Variants in OARD1 observed in about 807,000 individuals in gnomAD.
The protein encoded by OARD1 is O-acyl-ADP-ribose deacylase 1.
OARD1 carries 19 observed loss-of-function variants against 19.7 expected under a neutral mutation model. That is an observed-to-expected ratio of 0.96 (90% CI 0.67 to 1.41). The LOEUF (loss-of-function observed/expected upper bound fraction) is 1.41. Ranked by LOEUF, OARD1 falls within the 40% of genes most tolerant of loss-of-function variation. OARD1 has a pLI of 0.00. For synonymous variants in OARD1, 70 were observed against 61.8 expected, an observed-to-expected ratio of 1.13 and a Z score of -0.62; for missense variants, 190 against 183.8, an observed-to-expected ratio of 1.03 and a Z score of -0.20.
chr6:41,069,160 A>G (rs1582000339), intron 4 of OARD1: 2 of 397,910 alleles, frequency 5.0e-6, no homozygotes, highest in East Asian at 8.5e-5. Context: ...TGAGAAACCC[A>G]GACTCTGCCA....
At chr6:41,085,367 A>G (rs545561371) in intron 1 of OARD1, among the ~76,000 whole-genome samples, 4 of 152,346 alleles carry the variant, frequency 2.6e-5, no homozygotes, top group African/African-American at 9.6e-5. Flanking sequence ...ATATATTCAT[A>G]GGGAATATTG....
intron 1 of OARD1, chr6:41,080,955 TG>T: frequency 7.3e-7 from 1 of 1,369,704 alleles, no homozygotes; most frequent in Non-Finnish European, 1.0e-6. Flanking sequence ...TCCTCATGTC[TG>T]GTGCTGTTTG....
upstream of OARD1, among the ~76,000 whole-genome samples, chr6:41,073,263 C>T (rs1485148036): frequency 6.6e-6 from 1 of 151,502 alleles, no homozygotes; most frequent in Non-Finnish European, 1.5e-5. Flanking sequence ...CCTCGGGGCA[C>T]TCCCGGCCGA....
rs1160623910 is a variant in OARD1, at chr6:41,071,841, G to A, written c.-41-166C>T. On this transcript the variant is annotated intron_variant, in intron 1 of 5. Coordinates refer to ENST00000424266, the MANE Select transcript of OARD1 (RefSeq NM_001329686.2). ...TACAAAACCCTTCTGGGGCAAAGAG[G>A]AAGAACGCTTAGGTTCGGAGGCTGT... 3 of 550,176 alleles carry A rather than the reference G, an allele frequency of 5.5e-6. No individual in the cohort carries two copies. In the African/African-American group the frequency reaches 5.6e-5, roughly 10 times the overall value. The allele number at this position is 550,176 out of a possible 1,614,324, so 34.1% of individuals were successfully genotyped here.
In OARD1 at chr6:41,071,583, AGTT is replaced by A. The variant is rs1763397047; in HGVS notation, c.39+10_39+12del. On this transcript the variant is annotated intron_variant, in intron 2 of 5. Transcript: ENST00000424266. The stretch of plus-strand genomic sequence containing the variant: ...AATTTCAGTTCACCAATAAGTCAAT[AGTT>A]GTTACGCACTCTGCTTCCTTCTGGA... The A allele has an allele frequency of 3.1e-6, 5 of 1,606,580 alleles. No individual in the cohort carries two copies. Among genetic ancestry groups the A allele is most frequent in the Non-Finnish European group, 4.3e-6 (5 of 1,173,018 alleles).
intron 1 of OARD1, among the ~76,000 whole-genome samples, chr6:41,085,675 A>T (rs1764025653): frequency 6.6e-6 from 1 of 152,006 alleles, no homozygotes; most frequent in Non-Finnish European, 1.5e-5. Flanking sequence ...TCAAACTTGT[A>T]CTTTTTGTGT....
At chr6:41,073,195 T>TCGAGCTGAGC, upstream of OARD1, 1 of 150,616 alleles carries the variant, frequency 6.6e-6, no homozygotes, top group East Asian at 2.0e-4. Flanking sequence ...GCCCGGGGAG[T>TCGAGCTGAGC]CGAGCTGAGC....
chr6:41,092,643 T>C (rs967783870), intron 1 of OARD1, among the ~76,000 whole-genome samples: 34 of 152,316 alleles, frequency 2.2e-4, no homozygotes, highest in Admixed American at 2.2e-3. Flanking sequence ...AGCAGAAATA[T>C]CTAGAGCCAT....
chr6:41,089,980 G>A (rs1167040480), intron 1 of OARD1, among the ~76,000 whole-genome samples: 2 of 152,038 alleles, frequency 1.3e-5, no homozygotes, highest in South Asian at 2.1e-4. Flanking sequence ...GCATGGTGGC[G>A]CATGCCTGTA....
rs369447772 is a variant in OARD1, at chr6:41,095,110, G to A, written c.-42+2603C>T. Among the ~76,000 whole-genome samples the A allele has an allele frequency of 1.7e-4, 26 of 152,206 alleles. 2 individuals carry two copies. The South Asian group carries it at 5.4e-3, about 32-fold the overall frequency. Reference sequence around the variant, plus strand: ...TCTAGCCTACTCTCCACATCCTAGTGTGATCTTTTTAAAATGTTTATCCTA... The same window carrying A: ...TCTAGCCTACTCTCCACATCCTAGTATGATCTTTTTAAAATGTTTATCCTA... On this transcript the variant is annotated intron_variant, in intron 1 of 4. Coordinates refer to the OARD1 transcript ENST00000480585.
chr6:41,085,660 A>G (rs1764025157), intron 1 of OARD1, among the ~76,000 whole-genome samples: 1 of 152,222 alleles, frequency 6.6e-6, no homozygotes, highest in South Asian at 2.1e-4. Flanking sequence ...CCCACTGCTC[A>G]TAAATCAAAC....
chr6:41,087,826 G>A (rs1764087052), intron 1 of OARD1, among the ~76,000 whole-genome samples: 1 of 151,954 alleles, frequency 6.6e-6, no homozygotes, highest in Non-Finnish European at 1.5e-5. Context: ...TATTTTTCAA[G>A]CTTCTTGTCA....
intron 1 of OARD1, among the ~76,000 whole-genome samples, chr6:41,086,919 AAT>A (rs1405156345): frequency 6.6e-6 from 1 of 152,196 alleles, no homozygotes; most frequent in African/African-American, 2.4e-5. Flanking sequence ...TTCAAAAGAA[AAT>A]ATAAGAATTT....
chr6:41,080,656 T>C (rs908933433), intron 1 of OARD1, among the ~76,000 whole-genome samples: 1 of 152,246 alleles, frequency 6.6e-6, no homozygotes, highest in African/African-American at 2.4e-5. Flanking sequence ...TTAATCCTAC[T>C]ACCTTCAACA....
chr6:41,070,174 A>C, intron 3 of OARD1, 40 bp from the exon 4 acceptor site: 1 of 1,051,828 alleles, frequency 9.5e-7, no homozygotes, highest in Non-Finnish European at 1.5e-6. Context: ...GAAAAAGAAA[A>C]CCAAACACTG....
intron 1 of OARD1, among the ~76,000 whole-genome samples, chr6:41,097,116 T>G (rs1320635750): frequency 6.6e-6 from 1 of 152,228 alleles, no homozygotes; most frequent in Non-Finnish European, 1.5e-5. Flanking sequence ...CTAACAGCCC[T>G]GCAGTGTTTC....
Position 41,065,769 on chromosome 6 carries a change from T to C in OARD1, c.*1566A>G, listed in dbSNP as rs2114037320. 6.6e-6 allele frequency: 1 copy of C among 152,390 alleles called. No individual in the cohort carries two copies. Among genetic ancestry groups the C allele is most frequent in the South Asian group, 2.1e-4 (1 of 4,830 alleles). The allele number at this position is 152,390 out of a possible 1,614,324, so 9.4% of individuals were successfully genotyped here. A position where few individuals can be genotyped will look rare whatever the true frequency, so the allele number is the denominator to read the frequency against. ...CAAAGATTATATTTAACCAGTACTT[T>C]CCTGGTGTTTTAACCAGCCCCTTCT... On this transcript the variant is annotated 3_prime_UTR_variant, in exon 6 of 6. Transcript: ENST00000424266.
At chr6:41,092,738 T>C (rs566340422) in intron 1 of OARD1, among the ~76,000 whole-genome samples, 4 of 152,298 alleles carry the variant, frequency 2.6e-5, no homozygotes, top group Admixed American at 2.6e-4. Flanking sequence ...GGGGTGTTTG[T>C]TTAAAGTGCA....
chr6:41,084,230 G>A (rs1289240350), intron 1 of OARD1: 1 of 1,597,284 alleles, frequency 6.3e-7, no homozygotes, highest in South Asian at 1.1e-5. Context: ...GTATATCAGA[G>A]GAGAGGTTTC....
Sources: gnomAD v4.1 joint callset for allele counts (sites outside exome capture counted in the v4.1 genomes callset) on GRCh38, gnomAD v4.1.1 for gene constraint, MANE v1.5 for transcripts, NCBI Gene and HGNC (gene_info 2026-07-23, HGNC 2026-07-21) for gene names.